Variants in SH3RF3 observed in about 807,000 individuals in gnomAD.
SH3RF3 encodes E3 ubiquitin-protein ligase SH3RF3.
A neutral mutation model predicts 66.3 loss-of-function variants in SH3RF3; 29 were observed. The ratio of observed to expected loss-of-function variants is 0.44; its 90% confidence interval spans 0.33 to 0.60. The LOEUF (loss-of-function observed/expected upper bound fraction) is 0.60, where lower values mean the gene tolerates loss of function less well. Among genes scored for constraint, SH3RF3 ranks in the 20% least tolerant of loss-of-function variants. SH3RF3 has a pLI of 0.04. For synonymous variants in SH3RF3, 583 were observed against 532.0 expected, an observed-to-expected ratio of 1.10 and a Z score of -1.32; for missense variants, 1,194 against 1,190.9, an observed-to-expected ratio of 1.00 and a Z score of -0.04.
chr2:109,205,098 T>G (rs1678778262), intron 1 of SH3RF3, among the ~76,000 whole-genome samples: 1 of 152,142 alleles, frequency 6.6e-6, no homozygotes, highest in South Asian at 2.1e-4. Flanking sequence ...TCTCAGCTAC[T>G]TGGGAGGCCG....
intron 1 of SH3RF3, among the ~76,000 whole-genome samples, chr2:109,305,548 T>C (rs1357679006): frequency 6.6e-6 from 1 of 152,170 alleles, no homozygotes; most frequent in Non-Finnish European, 1.5e-5. Flanking sequence ...GTGGAAATTA[T>C]GCACCAGGAA....
At chr2:109,381,569 A>C (rs1305182735) in intron 3 of SH3RF3, among the ~76,000 whole-genome samples, 1 of 151,832 alleles carries the variant, frequency 6.6e-6, no homozygotes, top group Non-Finnish European at 1.5e-5. Context: ...CCGGGCTTCC[A>C]TGTTCTTGTC....
chr2:109,238,439 TTA>T (rs1383449379), intron 1 of SH3RF3, among the ~76,000 whole-genome samples: 5 of 146,076 alleles, frequency 3.4e-5, no homozygotes, highest in Non-Finnish European at 6.0e-5. Flanking sequence ...TTCTTGTTTG[TTA>T]TGTATATTTG....
intron 1 of SH3RF3, among the ~76,000 whole-genome samples, chr2:109,325,887 T>C (rs377605354): frequency 2.0e-5 from 3 of 152,242 alleles, no homozygotes; most frequent in East Asian, 3.8e-4. Flanking sequence ...CAGAGAGGGT[T>C]GAAAGTATGC....
At chr2:109,319,355 A>G (rs1468823350) in intron 1 of SH3RF3, among the ~76,000 whole-genome samples, 2 of 152,216 alleles carry the variant, frequency 1.3e-5, no homozygotes, top group Non-Finnish European at 2.9e-5. Context: ...GCAAAGAGAC[A>G]ATGTCCTGAG....
At chr2:109,408,032 T>C (rs1286531060) in intron 4 of SH3RF3, among the ~76,000 whole-genome samples, 1 of 152,132 alleles carries the variant, frequency 6.6e-6, no homozygotes, top group African/African-American at 2.4e-5. Flanking sequence ...TCAGGAAAGA[T>C]CCTTGGGTCT....
intron 1 of SH3RF3, among the ~76,000 whole-genome samples, chr2:109,147,518 G>A (rs968163924): frequency 6.6e-6 from 1 of 152,150 alleles, no homozygotes; most frequent in African/African-American, 2.4e-5. Flanking sequence ...ACACTTGAAG[G>A]AATTAGCACT....
At chr2:109,148,480 G>A (rs749071042) in intron 1 of SH3RF3, among the ~76,000 whole-genome samples, 16 of 152,200 alleles carry the variant, frequency 1.1e-4, no homozygotes, top group Non-Finnish European at 2.2e-4. Flanking sequence ...ATTTCTGCAC[G>A]TGTGGGCTGA....
At chr2:109,370,235 C>CTCTT (rs1292032761) in intron 2 of SH3RF3, among the ~76,000 whole-genome samples, 16 of 142,302 alleles carry the variant, frequency 1.1e-4, no homozygotes, top group African/African-American at 3.9e-4. Flanking sequence ...CTGTCTCTCT[C>CTCTT]TCTCTTTTTC....
intron 1 of SH3RF3, among the ~76,000 whole-genome samples, chr2:109,152,368 T>C (rs146108671): frequency 1.3e-5 from 2 of 152,312 alleles, no homozygotes; most frequent in African/African-American, 4.8e-5. Flanking sequence ...ATCCCTCTTA[T>C]ATTGCTTTTG....
chr2:109,199,597 T>TC (rs1558953918), intron 1 of SH3RF3, among the ~76,000 whole-genome samples: 9 of 272 alleles, frequency 0.033, no homozygotes, highest in South Asian at 0.25. Context: ...TGGAATGGAA[T>TC]GGAATGGAAT....
At chr2:109,431,369 A>G (rs1677209763) in intron 5 of SH3RF3, among the ~76,000 whole-genome samples, 1 of 152,214 alleles carries the variant, frequency 6.6e-6, no homozygotes, top group South Asian at 2.1e-4. Flanking sequence ...CAAATAAAAT[A>G]ATCTGGTATG....
intron 1 of SH3RF3, among the ~76,000 whole-genome samples, chr2:109,281,606 G>A (rs1680895072): frequency 6.6e-6 from 1 of 152,188 alleles, no homozygotes; most frequent in Non-Finnish European, 1.5e-5. Context: ...CTCCAGGTCT[G>A]CTGTTTGGTA....
At chr2:109,411,368 C>T (rs1676584104) in intron 4 of SH3RF3, among the ~76,000 whole-genome samples, 1 of 152,230 alleles carries the variant, frequency 6.6e-6, no homozygotes, top group African/African-American at 2.4e-5. Context: ...AGTGGCTGCT[C>T]ATCTCTGCCC....
intron 8 of SH3RF3, among the ~76,000 whole-genome samples, chr2:109,479,059 G>A (rs902516885): frequency 6.6e-6 from 1 of 152,196 alleles, no homozygotes; most frequent in African/African-American, 2.4e-5. Context: ...GGTGTTGACT[G>A]CTGGCTGGAA....
At chr2:109,419,462 A>T in intron 4 of SH3RF3, 77 bp from the exon 5 acceptor site, 1 of 1,421,990 alleles carries the variant, frequency 7.0e-7, no homozygotes, top group South Asian at 1.3e-5. Flanking sequence ...CTGTGGATGC[A>T]GCCTCATTTT....
chr2:109,403,357 G>T (rs1315789969), intron 4 of SH3RF3, among the ~76,000 whole-genome samples: 1 of 152,124 alleles, frequency 6.6e-6, no homozygotes, highest in Non-Finnish European at 1.5e-5. Context: ...CAGCTTCCCC[G>T]ACTGTGTGGC....
chr2:109,422,907 G>T (rs766002462), intron 5 of SH3RF3, among the ~76,000 whole-genome samples: 1 of 152,150 alleles, frequency 6.6e-6, no homozygotes, highest in Non-Finnish European at 1.5e-5. Context: ...ATCACCTACA[G>T]CAATGGAGGA....
At chr2:109,263,070 T>G (rs1261849782) in intron 1 of SH3RF3, among the ~76,000 whole-genome samples, 1 of 152,140 alleles carries the variant, frequency 6.6e-6, no homozygotes, top group Non-Finnish European at 1.5e-5. Flanking sequence ...GGTCTCGAAC[T>G]CCTGACCTTA....
Sources: gnomAD v4.1 joint callset for allele counts (sites outside exome capture counted in the v4.1 genomes callset) on GRCh38, gnomAD v4.1.1 for gene constraint, MANE v1.5 for transcripts, NCBI Gene and HGNC (gene_info 2026-07-23, HGNC 2026-07-21) for gene names.